Variants in CYSTM1 observed in about 807,000 individuals in gnomAD.
CYSTM1 encodes the protein cysteine rich transmembrane module containing 1, also known as cysteine-rich transmembrane module-containing protein 1.
A neutral mutation model predicts 13.1 loss-of-function variants in CYSTM1; 4 were observed. That is an observed-to-expected ratio of 0.31 (90% confidence interval 0.15 to 0.70). The LOEUF (loss-of-function observed/expected upper bound fraction) is 0.70. CYSTM1 is among the 30% of genes least tolerant of loss of function. The pLI is 0.72. For synonymous variants in CYSTM1, 36 were observed against 42.7 expected (o/e 0.84, Z 0.62); for missense variants, 96 against 121.6 (o/e 0.79, Z 0.99).
At chr5:140,206,607 G>GTTGTTTGTTTGT (rs3083575) in intron 2 of CYSTM1, among the ~76,000 whole-genome samples, 239 of 149,394 alleles carry the variant, frequency 1.6e-3, no homozygotes, top group African/African-American at 4.9e-3. Flanking sequence ...GCTGAGCACT[G>GTTGTTTGTTTGT]TTGTTTGTTT....
intron 2 of CYSTM1, among the ~76,000 whole-genome samples, chr5:140,209,747 A>G (rs1181931091): frequency 6.6e-6 from 1 of 151,480 alleles, no homozygotes; most frequent in Non-Finnish European, 1.5e-5. Context: ...TTTTGTAGAG[A>G]CAGGGTTTCA....
intron 2 of CYSTM1, among the ~76,000 whole-genome samples, chr5:140,203,963 C>T (rs937675609): frequency 3.9e-5 from 6 of 152,154 alleles, no homozygotes; most frequent in African/African-American, 1.2e-4. Flanking sequence ...AGGAGTAAGA[C>T]GAACCCATTT....
intron 1 of CYSTM1, among the ~76,000 whole-genome samples, chr5:140,183,220 T>C (rs1763979223): frequency 6.6e-6 from 1 of 152,178 alleles, no homozygotes; most frequent in Non-Finnish European, 1.5e-5. Context: ...ACCTGTCCCT[T>C]TCTAGTGTGT....
rs1439490547 is a variant in CYSTM1 at position 140,219,307 on chromosome 5, G to T, written c.188-23998G>T. On this transcript the variant is annotated intron_variant, in intron 2 of 2. Transcript: ENST00000261811. This position sits in a 1 kb window ranked among gnomAD's most constrained non-coding sequence, Gnocchi z 4.1. ...GTGTTACGAAACAGCAGGAATTGCGGTGGATAATTTGGCATAGCCCAGGCA... is the reference window on the plus strand; with the variant it reads ...GTGTTACGAAACAGCAGGAATTGCGTTGGATAATTTGGCATAGCCCAGGCA... Among the ~76,000 whole-genome samples the T allele has an allele frequency of 6.6e-6, 1 of 152,204 alleles. No homozygotes were observed. The highest frequency in any genetic ancestry group is 1.9e-4 in the East Asian group (1 of 5,204).
intron 2 of CYSTM1, among the ~76,000 whole-genome samples, chr5:140,225,345 A>C (rs1298583710): frequency 6.6e-6 from 1 of 152,192 alleles, no homozygotes; most frequent in Non-Finnish European, 1.5e-5. Flanking sequence ...TGGGGTGACC[A>C]CAGTACCTGG....
intron 1 of CYSTM1, among the ~76,000 whole-genome samples, chr5:140,184,887 T>C: frequency 6.6e-6 from 1 of 152,246 alleles, no homozygotes; most frequent in East Asian, 1.9e-4. Context: ...CAAGATTGAC[T>C]GTAGTCACAT....
intron 2 of CYSTM1, among the ~76,000 whole-genome samples, chr5:140,221,502 A>T (rs1764491713): frequency 6.6e-6 from 1 of 152,278 alleles, no homozygotes; most frequent in African/African-American, 2.4e-5. Context: ...TATTTCACTT[A>T]GCACAATGTC....
chr5:140,182,722 T>C (rs899756023), intron 1 of CYSTM1, among the ~76,000 whole-genome samples: 3 of 152,030 alleles, frequency 2.0e-5, no homozygotes, highest in Non-Finnish European at 2.9e-5. Flanking sequence ...TGATAGAAAC[T>C]GAAGTTATCA....
chr5:140,182,493 A>G (rs1281914220), intron 1 of CYSTM1, among the ~76,000 whole-genome samples: 2 of 152,072 alleles, frequency 1.3e-5, no homozygotes, highest in East Asian at 3.8e-4. Context: ...TGTATACTAT[A>G]TTAAATTCTA....
At chr5:140,223,423 T>G (rs138676081) in intron 2 of CYSTM1, among the ~76,000 whole-genome samples, 182 of 152,320 alleles carry the variant, frequency 1.2e-3, no homozygotes, top group African/African-American at 4.2e-3. Context: ...CAGATGTTGA[T>G]ACTGAGGTTT....
intron 1 of CYSTM1, among the ~76,000 whole-genome samples, chr5:140,184,891 G>A (rs1375792093): frequency 6.6e-6 from 1 of 152,218 alleles, no homozygotes; most frequent in African/African-American, 2.4e-5. Context: ...ATTGACTGTA[G>A]TCACATTTTC....
intron 2 of CYSTM1, among the ~76,000 whole-genome samples, chr5:140,218,405 T>C (rs954138680): frequency 3.3e-5 from 5 of 152,142 alleles, no homozygotes; most frequent in African/African-American, 1.2e-4. Context: ...TTGGGAGCAA[T>C]AGTAGCAGCT....
chr5:140,226,586 T>TTA (rs549334525), intron 2 of CYSTM1, among the ~76,000 whole-genome samples: 3,291 of 75,208 alleles, frequency 0.044, 154 homozygotes, highest in African/African-American at 0.095. Context: ...ATACTAAATA[T>TTA]TATATATATA....
At chr5:140,226,478 T>A (rs1764551201) in intron 2 of CYSTM1, among the ~76,000 whole-genome samples, 1 of 116,678 alleles carries the variant, frequency 8.6e-6, no homozygotes, top group Non-Finnish European at 1.7e-5. Context: ...AAAATATATA[T>A]ATATTTATAT....
rs1237989321 is a variant in CYSTM1 at position 140,194,640 on chromosome 5, C to T, written c.175C>T (p.Pro59Ser). 15 of 1,612,360 alleles carry T rather than the reference C, an allele frequency of 9.3e-6. No individual in the cohort carries two copies. The highest frequency in any genetic ancestry group is 1.3e-5 in the Non-Finnish European group (15 of 1,179,408). ...YGWQGGPQEP[P>S]KTTVYVVEDQ... The stretch of plus-strand genomic sequence containing the variant: ...CTGGCAGGGTGGACCTCAGGAGCCT[C>T]CTAAAACCACAGGTGTGTGTCTCTG... Residue 59 changes from proline to serine, a missense_variant, in exon 2 of 3, where the codon CCT (proline) becomes TCT (serine). By Grantham distance (74) the Pro-to-Ser change is moderately conservative. Transcript: ENST00000261811.
At chr5:140,208,131 A>G (rs1357683430) in intron 2 of CYSTM1, among the ~76,000 whole-genome samples, 1 of 152,240 alleles carries the variant, frequency 6.6e-6, no homozygotes, top group Non-Finnish European at 1.5e-5. Flanking sequence ...TCAAAGAGAT[A>G]CCTGCACTCT....
intron 1 of CYSTM1, among the ~76,000 whole-genome samples, chr5:140,176,177 GGGGGAACACTGAGGAAGTTGGTGTGA>G (rs973067546): frequency 3.9e-5 from 6 of 152,090 alleles, no homozygotes; most frequent in South Asian, 2.1e-4. Context: ...GATTGGGGTA[GGGGGAACACTGAGGAAGTTGGTGTGA>G]GGGGAACACT....
chr5:140,195,814 G>A (rs1181857196), intron 2 of CYSTM1, among the ~76,000 whole-genome samples: 1 of 151,162 alleles, frequency 6.6e-6, no homozygotes, highest in East Asian at 2.0e-4. Flanking sequence ...GGAGGCCAAG[G>A]CGGGCAGATC....
At chr5:140,186,211 T>C (rs1764013944) in intron 1 of CYSTM1, among the ~76,000 whole-genome samples, 2 of 152,206 alleles carry the variant, frequency 1.3e-5, no homozygotes, top group Admixed American at 6.5e-5. Context: ...AAGTGAATTA[T>C]TAAGTTTGTC....
Sources: gnomAD v4.1 joint callset for allele counts (sites outside exome capture counted in the v4.1 genomes callset) on GRCh38, gnomAD v4.1.1 for gene constraint, Gnocchi (gnomAD v3.1) non-coding constraint, MANE v1.5 for transcripts, NCBI Gene and HGNC (gene_info 2026-07-23, HGNC 2026-07-21) for gene names.